The following SMARCC2 variants were observed in gnomAD, a reference collection of about 807,000 sequenced individuals.
SMARCC2 encodes SWI/SNF related BAF chromatin remodeling complex subunit C2, also known as SWI/SNF complex subunit SMARCC2.
Under a neutral mutation model 151.3 loss-of-function variants are expected in SMARCC2, and 15 were observed. That is an observed-to-expected ratio of 0.10 (90% confidence interval 0.07 to 0.15). SMARCC2 has a LOEUF of 0.15. Ranked by LOEUF, SMARCC2 falls within the 10% of genes least tolerant of loss-of-function variation. The pLI, the probability that SMARCC2 is intolerant of heterozygous loss-of-function variation, is 1.00. For synonymous variants in SMARCC2, 590 were observed against 609.5 expected, an observed-to-expected ratio of 0.97 and a Z score of 0.47; for missense variants, 1,031 against 1,599.7, an observed-to-expected ratio of 0.64 and a Z score of 6.06.
intron 6 of SMARCC2, 62 bp from the exon 7 acceptor site, chr12:56,183,992 T>C: frequency 7.6e-7 from 1 of 1,319,700 alleles, no homozygotes; most frequent in East Asian, 2.3e-5. Flanking sequence ...AAAAATACTG[T>C]ACAAAAGCCC....
At chr12:56,170,393 T>C (rs774341810) in intron 22 of SMARCC2, among the ~76,000 whole-genome samples, 185 bp from the exon 23 acceptor site, 1 of 152,060 alleles carries the variant, frequency 6.6e-6, no homozygotes, top group Non-Finnish European at 1.5e-5. Flanking sequence ...TGTGAGCCGT[T>C]GCACCCAGCT....
In SMARCC2 at chr12:56,163,626, A is replaced by C; in HGVS notation, c.*63T>G. Reference sequence around the variant, plus strand: ...TGGGGAGGGTCCCAGTGGTGGGGGAAGGGCTGTTCCTGGAACCGTGATGTC... The same window carrying C: ...TGGGGAGGGTCCCAGTGGTGGGGGACGGGCTGTTCCTGGAACCGTGATGTC... On this transcript the variant is annotated 3_prime_UTR_variant, in exon 29 of 29. Transcript: ENST00000550164. 1.1e-6 allele frequency: 1 copy of C among 874,672 alleles called. No individual in the cohort carries two copies. Among genetic ancestry groups the C allele is most frequent in the Non-Finnish European group, 1.7e-6 (1 of 590,286 alleles). The allele number at this position is 874,672 out of a possible 1,614,324, so 54.2% of individuals were successfully genotyped here. A position where few individuals can be genotyped will look rare whatever the true frequency, so the allele number is the denominator to read the frequency against.
rs774633383 is a variant in SMARCC2 at position 56,173,676 on chromosome 12, C to A, written c.1650+20G>T. ...CCCAATCTTCCCAACCCGCCCCATC[C>A]CCATAGCACCTCACCCTACCTGAGG... On this transcript the variant is annotated intron_variant, in intron 17 of 28. Transcript: ENST00000550164. The A allele has an allele frequency of 5.0e-6, 8 of 1,589,020 alleles. No homozygotes were observed. In the South Asian group the frequency reaches 9.0e-5, roughly 18 times the overall value.
rs2135682878 is a variant in SMARCC2, at chr12:56,171,580, G to A, written c.2185+99C>T. The A allele has an allele frequency of 1.3e-6, 2 of 1,486,722 alleles. No homozygotes were observed. Among genetic ancestry groups the A allele is most frequent in the Non-Finnish European group, 1.8e-6 (2 of 1,102,222 alleles). 92.1% of individuals were successfully genotyped at this position (1,486,722 alleles called of 1,614,324 possible). A position where few individuals can be genotyped will look rare whatever the true frequency, so the allele number is the denominator to read the frequency against. On this transcript the variant is annotated intron_variant, in intron 21 of 28. Coordinates refer to ENST00000550164, the MANE Select transcript of SMARCC2 (RefSeq NM_001330288.2). The surrounding 1 kb of genome is among the most constrained non-coding windows in gnomAD (Gnocchi z 4.2). ...CTGAGCTGAGGCCCGCACAGACAAGGCCAGCAGGGCAGCCAAACTTGAGAG... is the reference window on the plus strand; with the variant it reads ...CTGAGCTGAGGCCCGCACAGACAAGACCAGCAGGGCAGCCAAACTTGAGAG...
At chr12:56,173,901 CGAGGAA>C (rs1565905620) in intron 16 of SMARCC2, 52 bp from the exon 17 acceptor site, 3 of 1,541,070 alleles carry the variant, frequency 1.9e-6, no homozygotes, top group Middle Eastern at 1.7e-4. Context: ...GAAAGGTGCA[CGAGGAA>C]GAGGAAAAGT....
chr12:56,169,892 C>T lies in SMARCC2; in HGVS notation c.2432G>A (p.Gly811Asp). 6.2e-7 allele frequency: 1 copy of T among 1,613,852 alleles called. No individual in the cohort carries two copies. Among genetic ancestry groups the T allele is most frequent in the Non-Finnish European group, 8.5e-7 (1 of 1,179,928 alleles). ...CTCTTTTGCTTCCTCCTCTATAGCA[C>T]CCCCTCCTTCTCGGGGTTCCTGAAA... ...KEPKEPREGG[G>D]AIEEEAKEKT... Residue 811 changes from glycine (G) to aspartate (D), a missense_variant, in exon 24 of 29, where the codon GGT becomes GAT. This residue lies in a region of SMARCC2 where 119 missense variants were observed against 184.2 expected (regional missense o/e 0.65). Transcript: ENST00000550164.
chr12:56,186,420 G>C (rs1877268357), intron 2 of SMARCC2, among the ~76,000 whole-genome samples, 180 bp from the exon 3 acceptor site: 1 of 143,038 alleles, frequency 7.0e-6, no homozygotes, highest in South Asian at 2.2e-4. Flanking sequence ...GCGCGATCTT[G>C]GCTCACTGCA....
At chr12:56,169,132 A>G (rs1873414456) in intron 25 of SMARCC2, among the ~76,000 whole-genome samples, 1 of 151,874 alleles carries the variant, frequency 6.6e-6, no homozygotes, top group Admixed American at 6.6e-5. Flanking sequence ...CATCTCTACT[A>G]AAAATACAAA....
chr12:56,175,431 A>G (rs148994448), intron 15 of SMARCC2, among the ~76,000 whole-genome samples: 6 of 152,356 alleles, frequency 3.9e-5, no homozygotes, highest in Admixed American at 6.5e-5. Flanking sequence ...GGTAAAAAAC[A>G]TATGTTTTGA....
Position 56,189,359 on chromosome 12 carries a change from A to T in SMARCC2, c.103T>A (p.Tyr35Asn). 6.6e-7 allele frequency: 1 copy of T among 1,520,534 alleles called. No homozygotes were observed. The highest frequency in any genetic ancestry group is 8.9e-7 in the Non-Finnish European group (1 of 1,127,250). The allele number at this position is 1,520,534 out of a possible 1,614,324, so 94.2% of individuals were successfully genotyped here. Residue 35 changes from tyrosine to asparagine, a missense_variant, in exon 1 of 29, where the codon TAC (tyrosine) becomes AAC (asparagine). Physicochemically the swap from Tyr to Asn is moderately radical, Grantham distance 143. Around this residue, in one of 12 missense-constraint regions of SMARCC2, gnomAD observed 50 missense variants for 52.4 expected, o/e 0.95. Coordinates refer to ENST00000550164, the MANE Select transcript of SMARCC2 (RefSeq NM_001330288.2). ...DNVRLWLGKN[Y>N]KKYIQAEPPT... ...CGGCCCGGCCCGCGTACCTTCTTGT[A>T]GTTCTTGCCGAGCCACAGCCGCACG...
chr12:56,170,138 C>G lies in SMARCC2; in HGVS notation c.2412+6G>C, dbSNP rs760676481. The G allele has an allele frequency of 2.5e-6, 4 of 1,612,526 alleles. No homozygotes were observed. Among genetic ancestry groups the G allele is most frequent in the Non-Finnish European group, 3.4e-6 (4 of 1,178,534 alleles). On this transcript the variant is annotated splice_donor_region_variant and intron_variant, in intron 23 of 28. Transcript: ENST00000550164. ...GCCCCTGCAGCTTCCAGAAATCCCT[C>G]TATACCTTGGGCTCCTTCTTCTCAT...
At chr12:56,181,947 A>C in intron 8 of SMARCC2, 57 bp downstream of exon 8, 2 of 1,582,458 alleles carry the variant, frequency 1.3e-6, no homozygotes, top group Non-Finnish European at 1.7e-6. Context: ...TCACTTCCAA[A>C]GGGTAGACTG....
At position 56,164,882 on chromosome 12, in the gene SMARCC2, G is replaced by A. The variant is rs372743041; in HGVS notation, c.3233-151C>T. The A allele has an allele frequency of 2.3e-4, 153 of 676,948 alleles. 1 individual carries two copies. The East Asian group carries it at 3.1e-3, about 14-fold the overall frequency. 41.9% of individuals were successfully genotyped at this position (676,948 alleles called of 1,614,324 possible). On this transcript the variant is annotated intron_variant, in intron 27 of 28. Coordinates refer to ENST00000550164, the MANE Select transcript of SMARCC2 (RefSeq NM_001330288.2). ...TGGCTCACTGCAACCTCCGCCTCCC[G>A]GGTTTAAGCAATCTCCTGCCTCAGC... is the stretch of plus-strand genomic sequence containing the variant.
At chr12:56,187,048 G>C (rs1435574255) in intron 2 of SMARCC2, 139 bp downstream of exon 2, 1 of 772,330 alleles carries the variant, frequency 1.3e-6, no homozygotes, top group Non-Finnish European at 2.0e-6. Flanking sequence ...ATAATGCCCT[G>C]ATCAGGGATA....
intron 1 of SMARCC2, among the ~76,000 whole-genome samples, chr12:56,188,390 C>A (rs902983971): frequency 2.0e-5 from 3 of 152,224 alleles, no homozygotes; most frequent in African/African-American, 7.2e-5. Flanking sequence ...AAGCACACTT[C>A]TGACGAGCTG....
rs1832811151 is a variant in SMARCC2 at position 56,178,194 on chromosome 12, G to A, written c.1311-101C>T. 8 of 1,047,058 alleles carry A rather than the reference G, an allele frequency of 7.6e-6. 1 individual carries two copies. In the Admixed American group the frequency reaches 9.8e-5, roughly 13 times the overall value. The allele number at this position is 1,047,058 out of a possible 1,614,324, so 64.9% of individuals were successfully genotyped here. A position where few individuals can be genotyped will look rare whatever the true frequency, so the allele number is the denominator to read the frequency against. On this transcript the variant is annotated intron_variant, in intron 14 of 28. Transcript: ENST00000550164. ...AGAAGGCAAAGAAGGAAAAGAGCTC[G>A]AAATTGCTGAAGTTAGAAGCTTGGG...
At position 56,182,056 on chromosome 12, in the gene SMARCC2, C is replaced by T. The variant is rs1177667656; in HGVS notation, c.656G>A (p.Ser219Asn). ...PDSYDTWIPA[S>N]EIEASVEDAP... ...ATCTTCCACAGATGCCTCAATTTCACTCGCTGGGATCCACGTGTCGTAACT... is the reference window on the plus strand; with the variant it reads ...ATCTTCCACAGATGCCTCAATTTCATTCGCTGGGATCCACGTGTCGTAACT... Residue 219 changes from serine to asparagine, a missense_variant, in exon 8 of 29, where the codon AGT becomes AAT. Transcript: ENST00000550164. 2 of 1,613,084 alleles carry T rather than the reference C, an allele frequency of 1.2e-6. No individual in the cohort carries two copies. The highest frequency in any genetic ancestry group is 1.7e-6 in the Non-Finnish European group (2 of 1,179,472).
At chr12:56,181,278 C>T (rs1876146897) in intron 10 of SMARCC2, 177 bp from the exon 11 acceptor site, 1 of 677,728 alleles carries the variant, frequency 1.5e-6, no homozygotes, top group Non-Finnish European at 2.5e-6. Context: ...TGATAAAGCT[C>T]TCTTTAAATG....
chr12:56,165,180 G>T, intron 27 of SMARCC2, 138 bp downstream of exon 27: 1 of 1,099,962 alleles, frequency 9.1e-7, no homozygotes, highest in Non-Finnish European at 1.2e-6. Context: ...CTGATTTAGG[G>T]GCCTAAGAGA....
Sources: allele counts gnomAD v4.1 joint callset (sites outside exome capture counted in the v4.1 genomes callset), GRCh38; gene constraint gnomAD v4.1.1; regional missense constraint gnomAD v4.1.1; non-coding constraint Gnocchi (gnomAD v3.1); transcripts MANE v1.5; gene names NCBI Gene and HGNC (gene_info 2026-07-23, HGNC 2026-07-21).